The following ROBO2 variants were observed in gnomAD, a reference collection of about 807,000 sequenced individuals.
ROBO2 encodes the protein roundabout homolog 2.
In ROBO2, 53 loss-of-function variants were observed where a neutral mutation model predicts 160.8. The ratio of observed to expected loss-of-function variants is 0.33; its 90% CI spans 0.26 to 0.41. ROBO2 has a LOEUF of 0.41. Ranked by LOEUF, ROBO2 falls within the 10% of genes least tolerant of loss-of-function variation. The pLI, the probability that ROBO2 is intolerant of heterozygous loss-of-function variation, is 1.00. For synonymous variants in ROBO2, 664 were observed against 611.7 expected, an observed-to-expected ratio of 1.09 and a Z score of -1.26; for missense variants, 1,577 against 1,722.4, an observed-to-expected ratio of 0.92 and a Z score of 1.49.
chr3:76,472,255 AAAT>A (rs1246526780), intron 2 of ROBO2, among the ~76,000 whole-genome samples: 8 of 152,208 alleles, frequency 5.3e-5, no homozygotes, highest in Admixed American at 4.6e-4. Context: ...GCAATATTTA[AAAT>A]AATATGTGTT....
intron 2 of ROBO2, among the ~76,000 whole-genome samples, chr3:75,963,576 G>A (rs1227262359): frequency 2.0e-5 from 3 of 151,766 alleles, no homozygotes; most frequent in East Asian, 1.9e-4. Flanking sequence ...TGATGCTAAC[G>A]TAGTTGGGTG....
At chr3:77,090,504 C>A (rs1347094338) in intron 1 of ROBO2, among the ~76,000 whole-genome samples, 1 of 151,634 alleles carries the variant, frequency 6.6e-6, no homozygotes, top group East Asian at 1.9e-4. Flanking sequence ...CAGGCGCCAC[C>A]ACCACGCCCG....
intron 6 of ROBO2, among the ~76,000 whole-genome samples, chr3:77,524,767 G>C (rs2090966589): frequency 6.6e-6 from 1 of 150,850 alleles, no homozygotes; most frequent in Non-Finnish European, 1.5e-5. Context: ...AACTAATAGA[G>C]AGCATTGTTT....
At chr3:77,509,039 G>T (rs1458476967) in intron 5 of ROBO2, among the ~76,000 whole-genome samples, 1 of 152,038 alleles carries the variant, frequency 6.6e-6, no homozygotes, top group Non-Finnish European at 1.5e-5. Flanking sequence ...TGAGAGAGGG[G>T]TAACTCAAAG....
At chr3:77,354,303 T>A (rs1035973542) in intron 2 of ROBO2, among the ~76,000 whole-genome samples, 9 of 152,220 alleles carry the variant, frequency 5.9e-5, no homozygotes, top group Non-Finnish European at 1.2e-4. Context: ...CTAGAGCACA[T>A]CTCTACCCTT....
At chr3:76,190,682 C>A (rs1701967303) in intron 2 of ROBO2, among the ~76,000 whole-genome samples, 1 of 152,134 alleles carries the variant, frequency 6.6e-6, no homozygotes, top group East Asian at 1.9e-4. Flanking sequence ...ATTGAAGATA[C>A]AAACTACCAT....
intron 2 of ROBO2, among the ~76,000 whole-genome samples, chr3:76,667,420 T>C (rs1477550756): frequency 1.3e-5 from 2 of 152,210 alleles, no homozygotes; most frequent in African/African-American, 4.8e-5. Flanking sequence ...TGAAAAAATG[T>C]AGAGACGGTT....
intron 2 of ROBO2, among the ~76,000 whole-genome samples, chr3:76,428,443 T>C (rs554870992): frequency 2.8e-4 from 42 of 152,184 alleles, no homozygotes; most frequent in Non-Finnish European, 5.3e-4. Flanking sequence ...TGAGAATTTT[T>C]AAAGATCATC....
chr3:77,597,305 A>AAATC (rs1317476665), intron 19 of ROBO2, among the ~76,000 whole-genome samples: 5 of 111,836 alleles, frequency 4.5e-5, no homozygotes, highest in Middle Eastern at 5.3e-3. Flanking sequence ...AAAAATAAAT[A>AAATC]AATAAATAAA....
chr3:77,458,548 G>A (rs1218526634), intron 2 of ROBO2, among the ~76,000 whole-genome samples: 4 of 151,522 alleles, frequency 2.6e-5, no homozygotes, highest in Admixed American at 6.6e-5. Flanking sequence ...ACACTGATCA[G>A]CAATTCACTC....
intron 19 of ROBO2, among the ~76,000 whole-genome samples, chr3:77,599,937 A>C (rs990021454): frequency 6.6e-6 from 1 of 152,196 alleles, no homozygotes. Context: ...ATTTGTACAG[A>C]TAATTATATA....
intron 2 of ROBO2, among the ~76,000 whole-genome samples, chr3:76,287,129 C>G (rs999185998): frequency 1.3e-5 from 2 of 152,038 alleles, no homozygotes; most frequent in Non-Finnish European, 2.9e-5. Context: ...CTAATCTATC[C>G]TGACTGATAA....
At chr3:76,184,943 A>T (rs767600660) in intron 2 of ROBO2, among the ~76,000 whole-genome samples, 1 of 151,752 alleles carries the variant, frequency 6.6e-6, no homozygotes, top group Non-Finnish European at 1.5e-5. Context: ...GTGCCTTCCC[A>T]CATCGATGGT....
chr3:77,436,355 T>C (rs2079288047), intron 2 of ROBO2, among the ~76,000 whole-genome samples: 3 of 151,002 alleles, frequency 2.0e-5, no homozygotes. Flanking sequence ...TTCATCACTG[T>C]ATTAAAGAAT....
At chr3:76,122,067 C>T (rs1277832935) in intron 2 of ROBO2, among the ~76,000 whole-genome samples, 1 of 152,188 alleles carries the variant, frequency 6.6e-6, no homozygotes, top group Non-Finnish European at 1.5e-5. Flanking sequence ...CATGCAAAAA[C>T]ACTGCATGCT....
chr3:75,962,297 A>G (rs1948944677), intron 2 of ROBO2, among the ~76,000 whole-genome samples: 1 of 151,868 alleles, frequency 6.6e-6, no homozygotes, highest in South Asian at 2.1e-4. Flanking sequence ...AAGAAAGAAT[A>G]TTTCTTTCTG....
chr3:76,321,986 G>A (rs1266922022), intron 2 of ROBO2, among the ~76,000 whole-genome samples: 3 of 151,684 alleles, frequency 2.0e-5, no homozygotes, highest in Admixed American at 6.6e-5. Context: ...CTAGCACACA[G>A]AATCATGTGC....
intron 2 of ROBO2, among the ~76,000 whole-genome samples, chr3:76,342,277 C>A (rs1012922894): frequency 6.6e-6 from 1 of 152,126 alleles, no homozygotes; most frequent in Non-Finnish European, 1.5e-5. Flanking sequence ...GTAAGCCTGT[C>A]ATGATTTCAT....
At chr3:76,211,201 C>T (rs1480182491) in intron 2 of ROBO2, among the ~76,000 whole-genome samples, 1 of 152,038 alleles carries the variant, frequency 6.6e-6, no homozygotes, top group East Asian at 1.9e-4. Flanking sequence ...GCAACTTCTC[C>T]CTTTCTGTAC....
Sources: allele counts gnomAD v4.1 joint callset (sites outside exome capture counted in the v4.1 genomes callset), GRCh38; gene constraint gnomAD v4.1.1; transcripts MANE v1.5; gene names NCBI Gene and HGNC (gene_info 2026-07-23, HGNC 2026-07-21).